The following KNTC1 variants were observed in gnomAD, a reference collection of about 807,000 sequenced individuals.
KNTC1 encodes kinetochore associated 1.
In KNTC1, 253 loss-of-function variants were observed where a neutral mutation model predicts 314.4. The ratio of observed to expected loss-of-function variants is 0.80; its 90% CI spans 0.73 to 0.89. KNTC1 has a LOEUF of 0.89. Among genes scored for constraint, KNTC1 ranks in the 40% least tolerant of loss-of-function variants. The pLI is 0.00. For missense variants in KNTC1, 2,475 were observed against 2,572.9 expected, an observed-to-expected ratio of 0.96 and a Z score of 0.82; for synonymous variants, 901 against 901.4, an observed-to-expected ratio of 1.00 and a Z score of 0.01.
intron 35 of KNTC1, 89 bp downstream of exon 35, chr12:122,584,539 C>T (rs1868956871): frequency 3.3e-6 from 3 of 910,266 alleles, no homozygotes; most frequent in Non-Finnish European, 3.3e-6. Context: ...AATTGGACAT[C>T]ACGGTAATCA....
At chr12:122,586,792 ATATT>A (rs749131425) in intron 38 of KNTC1, 35 bp downstream of exon 38, 37 of 711,526 alleles carry the variant, frequency 5.2e-5, no homozygotes, top group Admixed American at 1.7e-4. Context: ...CATTCTATTA[ATATT>A]TATTTATTTA....
chr12:122,543,848 G>A (rs977529825), intron 7 of KNTC1, among the ~76,000 whole-genome samples: 6 of 152,066 alleles, frequency 3.9e-5, no homozygotes, highest in South Asian at 2.1e-4. Flanking sequence ...TCCGGAGTTC[G>A]AGACCAGCCT....
intron 53 of KNTC1, chr12:122,611,755 A>G (rs1285614385): frequency 1.3e-5 from 2 of 152,220 alleles, no homozygotes; most frequent in Admixed American, 1.3e-4. Context: ...TTTCATATAA[A>G]ACGGTGTCAT....
chr12:122,560,205 A>G (rs1053991926), intron 18 of KNTC1, among the ~76,000 whole-genome samples: 1 of 151,920 alleles, frequency 6.6e-6, no homozygotes. Flanking sequence ...TTTTTTGTTT[A>G]TCCATGGTCC....
Position 122,551,301 on chromosome 12 carries a change from G to GT in KNTC1, c.1087-11dup. 3.4e-6 allele frequency: 5 copies of GT among 1,474,062 alleles called. No individual in the cohort carries two copies. The highest frequency in any genetic ancestry group is 1.4e-5 in the African/African-American group (1 of 72,192). 91.3% of individuals were successfully genotyped at this position (1,474,062 alleles called of 1,614,324 possible). On this transcript the variant is annotated splice_polypyrimidine_tract_variant and intron_variant, in intron 13 of 63. Coordinates refer to ENST00000333479, the MANE Select transcript of KNTC1 (RefSeq NM_014708.6). The stretch of plus-strand genomic sequence containing the variant: ...GCTCTTATATTGGAATTTTAATCAT[G>GT]TTTTTTTGTTATTGTAGGATACCAT...
intron 42 of KNTC1, among the ~76,000 whole-genome samples, chr12:122,592,128 G>C (rs576963402): frequency 6.6e-6 from 1 of 152,290 alleles, no homozygotes; most frequent in East Asian, 1.9e-4. Flanking sequence ...GCGGCCGGCC[G>C]GCCCTGCCGG....
rs376904415 is a variant in KNTC1, at chr12:122,585,803, A to G, written c.3673+29A>G. On this transcript the variant is annotated intron_variant, in intron 37 of 63. Coordinates refer to ENST00000333479, the MANE Select transcript of KNTC1 (RefSeq NM_014708.6). ...AGTCTTATTTGTATCATTATTTTCT[A>G]TGTGTTTCTGTCTTATGTAAATTTA... The G allele has an allele frequency of 7.5e-6, 12 of 1,606,918 alleles. No homozygotes were observed. The African/African-American group carries it at 1.2e-4, about 16-fold the overall frequency.
At chr12:122,574,443 T>A in intron 27 of KNTC1, 63 bp downstream of exon 27, 1 of 1,010,372 alleles carries the variant, frequency 9.9e-7, no homozygotes, top group Non-Finnish European at 1.5e-6. Context: ...GAAAGCTTTT[T>A]TCTGTTCATA....
chr12:122,535,608 A>G (rs1371514764), intron 3 of KNTC1, among the ~76,000 whole-genome samples: 1 of 151,656 alleles, frequency 6.6e-6, no homozygotes, highest in East Asian at 2.0e-4. Context: ...ACTCCACTAC[A>G]CTCCAGCCTG....
In KNTC1 at chr12:122,572,998, A is replaced by G; in HGVS notation, c.2081A>G (p.Glu694Gly). 2 of 1,609,938 alleles carry G rather than the reference A, an allele frequency of 1.2e-6. No individual in the cohort carries two copies. The highest frequency in any genetic ancestry group is 2.2e-5 in the South Asian group (2 of 90,386). The part of the protein sequence containing the change: ...QLRTLVNNLR[E>G]LITLHRKYNC... ...AGGACTTTGGTAAATAACTTGCGAGAGTTGATCACGTTGCATAGGAAGTAC... is the reference window on the plus strand; with the variant it reads ...AGGACTTTGGTAAATAACTTGCGAGGGTTGATCACGTTGCATAGGAAGTAC... Residue 694 changes from glutamate (E) to glycine (G), a missense_variant, in exon 25 of 64, where the codon GAG (glutamate) becomes GGG (glycine). Transcript: ENST00000333479.
Position 122,582,849 on chromosome 12 carries a change from G to A in KNTC1, c.3127G>A (p.Val1043Met). The change falls in exon 34 of 64, where the codon GTG becomes ATG. Residue 1043 changes from valine (V) to methionine (M), a missense_variant. Coordinates refer to ENST00000333479, the MANE Select transcript of KNTC1 (RefSeq NM_014708.6). ...GSTPEPIAAE[V>M]RSPSMESKLH... ...CACCCCAGAGCCCATAGCTGCTGAG[G>A]TGAGGAGCCCAAGCATGGAATCAAA... The A allele has an allele frequency of 6.2e-7, 1 of 1,612,142 alleles. No homozygotes were observed.
intron 42 of KNTC1, chr12:122,593,134 A>C (rs939205532): frequency 5.9e-6 from 1 of 169,880 alleles, no homozygotes; most frequent in Admixed American, 6.4e-5. Flanking sequence ...CAGACGCGCC[A>C]CCTTAAGAGC....
chr12:122,599,787 C>T (rs1871581810), intron 44 of KNTC1, among the ~76,000 whole-genome samples: 1 of 152,112 alleles, frequency 6.6e-6, no homozygotes, highest in African/African-American at 2.4e-5. Context: ...TGTTGTTTTT[C>T]ACGCGACTTT....
chr12:122,554,128 A>T (rs1450580792), intron 16 of KNTC1, among the ~76,000 whole-genome samples: 1 of 143,006 alleles, frequency 7.0e-6, no homozygotes, highest in Non-Finnish European at 1.5e-5. Flanking sequence ...GCGGGGTTTC[A>T]CCATGTTGGC....
rs116476357 is a variant in KNTC1 at position 122,604,507 on chromosome 12, G to T, written c.5102-57G>T. The T allele has an allele frequency of 7.3e-4, 752 of 1,027,692 alleles. 6 individuals are homozygous for T. In the African/African-American group the frequency reaches 0.011, roughly 15 times the overall value. The allele number at this position is 1,027,692 out of a possible 1,614,324, so 63.7% of individuals were successfully genotyped here. A position where few individuals can be genotyped will look rare whatever the true frequency, so the allele number is the denominator to read the frequency against. On this transcript the variant is annotated intron_variant, in intron 48 of 63. Coordinates refer to ENST00000333479, the MANE Select transcript of KNTC1 (RefSeq NM_014708.6). ...TAATTTGACCAAAATACATTTTCTTGAAAAGATTAAGATTTGCCTGTAAAT... is the reference window on the plus strand; with the variant it reads ...TAATTTGACCAAAATACATTTTCTTTAAAAGATTAAGATTTGCCTGTAAAT...
chr12:122,541,641 C>T (rs1445621586), intron 5 of KNTC1, among the ~76,000 whole-genome samples: 4 of 136,476 alleles, frequency 2.9e-5, no homozygotes, highest in Non-Finnish European at 5.0e-5. Context: ...CACTGCGCCC[C>T]GCCTCTTTCT....
intron 20 of KNTC1, among the ~76,000 whole-genome samples, chr12:122,567,361 C>T (rs984767681): frequency 6.6e-6 from 1 of 152,070 alleles, no homozygotes; most frequent in African/African-American, 2.4e-5. Flanking sequence ...TGAGCCACCA[C>T]GATCAGCTGA....
At chr12:122,583,030 G>A (rs770066596) in intron 34 of KNTC1, 45 bp downstream of exon 34, 35 of 1,545,588 alleles carry the variant, frequency 2.3e-5, no homozygotes, top group Admixed American at 7.6e-5. Flanking sequence ...CTGAAATTGC[G>A]GCTGGGCACG....
intron 35 of KNTC1, 148 bp from the exon 36 acceptor site, chr12:122,584,745 C>G (rs1417161910): frequency 1.1e-5 from 6 of 559,862 alleles, no homozygotes; most frequent in Non-Finnish European, 1.8e-5. Context: ...AAAAATTTAA[C>G]TTTTTAGGGT....
Sources: gnomAD v4.1 joint callset for allele counts (sites outside exome capture counted in the v4.1 genomes callset) on GRCh38, gnomAD v4.1.1 for gene constraint, MANE v1.5 for transcripts, NCBI Gene and HGNC (gene_info 2026-07-23, HGNC 2026-07-21) for gene names.